Variants in SEMA3A observed in about 807,000 individuals in gnomAD.
SEMA3A encodes semaphorin 3A, also known as semaphorin-3A.
In SEMA3A, 29 loss-of-function variants were observed where a neutral mutation model predicts 97.9. That is an observed-to-expected ratio of 0.30 (90% confidence interval 0.22 to 0.40). The LOEUF is 0.40. Ranked by LOEUF, SEMA3A falls within the 10% of genes least tolerant of loss-of-function variation. The pLI is 1.00. For synonymous variants in SEMA3A, 321 were observed against 323.7 expected, an observed-to-expected ratio of 0.99 and a Z score of 0.09; for missense variants, 763 against 951.3, an observed-to-expected ratio of 0.80 and a Z score of 2.60.
At chr7:83,990,282 G>A (rs918693824) in intron 12 of SEMA3A, among the ~76,000 whole-genome samples, 18 of 152,174 alleles carry the variant, frequency 1.2e-4, no homozygotes, top group Non-Finnish European at 1.3e-4. Context: ...TGTTCACTCT[G>A]ATAGTAGTTT....
chr7:84,140,070 A>G (rs1796253244), intron 1 of SEMA3A, among the ~76,000 whole-genome samples: 1 of 152,078 alleles, frequency 6.6e-6, no homozygotes, highest in Non-Finnish European at 1.5e-5. Flanking sequence ...TTGTTTTATA[A>G]ACTAGTGTTC....
chr7:84,376,398 C>A (rs909423327), intron 1 of SEMA3A, among the ~76,000 whole-genome samples: 2 of 145,918 alleles, frequency 1.4e-5, no homozygotes, highest in Non-Finnish European at 3.0e-5. Flanking sequence ...GTCAGGAGAT[C>A]GAGACCATCC....
At chr7:84,006,043 C>CTT (rs1271352639) in intron 10 of SEMA3A, among the ~76,000 whole-genome samples, 3 of 152,022 alleles carry the variant, frequency 2.0e-5, no homozygotes, top group Non-Finnish European at 4.4e-5. Flanking sequence ...GTCACTAATT[C>CTT]TTAGGCAAAA....
intron 2 of SEMA3A, among the ~76,000 whole-genome samples, chr7:84,331,396 T>C (rs1801905531): frequency 6.6e-6 from 1 of 152,154 alleles, no homozygotes; most frequent in Admixed American, 6.6e-5. Context: ...TAATAAAGTT[T>C]GAAAATGAAA....
chr7:84,250,535 G>C (rs768351104), intron 3 of SEMA3A, among the ~76,000 whole-genome samples: 4 of 152,152 alleles, frequency 2.6e-5, no homozygotes, highest in Non-Finnish European at 5.9e-5. Flanking sequence ...GTCTACATCT[G>C]TGTGGGACCA....
At chr7:84,142,395 A>G (rs1042541008) in intron 1 of SEMA3A, among the ~76,000 whole-genome samples, 11 of 152,158 alleles carry the variant, frequency 7.2e-5, no homozygotes, top group African/African-American at 2.7e-4. Flanking sequence ...GGAAGTTAAT[A>G]GGAGTTCATT....
chr7:83,975,522 A>G (rs1276380215), intron 15 of SEMA3A, among the ~76,000 whole-genome samples: 1 of 152,208 alleles, frequency 6.6e-6, no homozygotes, highest in Non-Finnish European at 1.5e-5. Context: ...AACAAAAGTA[A>G]TAAGACATGT....
At chr7:84,084,216 A>C (rs1254101059) in intron 4 of SEMA3A, among the ~76,000 whole-genome samples, 1 of 152,082 alleles carries the variant, frequency 6.6e-6, no homozygotes, top group Non-Finnish European at 1.5e-5. Flanking sequence ...GCTAAGAATT[A>C]TTTATTTACT....
chr7:84,439,718 C>T (rs1042185819), intron 1 of SEMA3A, among the ~76,000 whole-genome samples: 2 of 151,986 alleles, frequency 1.3e-5, no homozygotes, highest in Admixed American at 1.3e-4. Context: ...AATCTGTAAA[C>T]ACAAAAGAAA....
At chr7:84,206,581 C>T (rs1798500295) in intron 3 of SEMA3A, among the ~76,000 whole-genome samples, 1 of 152,118 alleles carries the variant, frequency 6.6e-6, no homozygotes, top group African/African-American at 2.4e-5. Flanking sequence ...CTCGGCCTCC[C>T]AAAGTGCTGG....
intron 15 of SEMA3A, among the ~76,000 whole-genome samples, chr7:83,967,081 A>C (rs976169015): frequency 6.6e-6 from 1 of 152,226 alleles, no homozygotes; most frequent in African/African-American, 2.4e-5. Context: ...TACCATCAGC[A>C]GCTTCTGACT....
intron 15 of SEMA3A, among the ~76,000 whole-genome samples, chr7:83,975,659 T>C (rs17245595): frequency 0.39 from 59,994 of 151,960 alleles, 12,367 homozygotes; most frequent in Middle Eastern, 0.5. Flanking sequence ...ATGTTTCATT[T>C]TGATATGGAG....
intron 3 of SEMA3A, among the ~76,000 whole-genome samples, chr7:84,201,439 T>C (rs879880710): frequency 6.6e-6 from 1 of 152,032 alleles, no homozygotes; most frequent in Non-Finnish European, 1.5e-5. Context: ...AAAAATGACT[T>C]CAATTATTTT....
upstream of SEMA3A, among the ~76,000 whole-genome samples, chr7:84,196,387 C>G (rs1387535998): frequency 6.6e-6 from 1 of 152,050 alleles, no homozygotes; most frequent in African/African-American, 2.4e-5. Flanking sequence ...CTCTCTGTCT[C>G]TCCCTCTCTG....
At chr7:84,294,165 T>C (rs1466174557) in intron 3 of SEMA3A, among the ~76,000 whole-genome samples, 1 of 152,054 alleles carries the variant, frequency 6.6e-6, no homozygotes, top group Non-Finnish European at 1.5e-5. Context: ...TGCTAGTTAT[T>C]ATTTTATTAA....
chr7:84,483,286 C>T (rs958342450), intron 1 of SEMA3A, among the ~76,000 whole-genome samples: 1 of 152,072 alleles, frequency 6.6e-6, no homozygotes, highest in African/African-American at 2.4e-5. Flanking sequence ...AGAATGTCAA[C>T]CACATTACTG....
chr7:84,388,233 AG>A (rs1803449969), intron 1 of SEMA3A, among the ~76,000 whole-genome samples: 1 of 152,068 alleles, frequency 6.6e-6, no homozygotes, highest in Admixed American at 6.5e-5. Context: ...AGCTTTTGCA[AG>A]ACATTTACCT....
intron 2 of SEMA3A, among the ~76,000 whole-genome samples, chr7:84,357,527 G>A (rs560760875): frequency 6.6e-6 from 1 of 152,066 alleles, no homozygotes; most frequent in African/African-American, 2.4e-5. Flanking sequence ...TCTTAATCCA[G>A]TCTATCATTG....
At position 84,487,805 on chromosome 7, in the gene SEMA3A, A is replaced by C. The variant is rs192732249; in HGVS notation, c.-246+4655T>G. ...TTAAAAATCGTTTTTTTCTCTTTAA[A>C]AAAAACAAGAATAGTCTATGACTTT... On this transcript the variant is annotated intron_variant, in intron 1 of 3. Coordinates refer to the SEMA3A transcript ENST00000424555. Among the ~76,000 whole-genome samples the C allele has an allele frequency of 3.9e-5, 6 of 152,300 alleles. No homozygotes were observed. The East Asian group carries it at 9.7e-4, about 25-fold the overall frequency.
Sources: allele counts gnomAD v4.1 joint callset (sites outside exome capture counted in the v4.1 genomes callset), GRCh38; gene constraint gnomAD v4.1.1; transcripts MANE v1.5; gene names NCBI Gene and HGNC (gene_info 2026-07-23, HGNC 2026-07-21).